CIMAP1D: variants seen among roughly 807,000 people sequenced by gnomAD.
CIMAP1D encodes the protein CIMAP1 family member D, also known as protein CIMAP1D.
the CIMAP1D span, chr19:467,910 C>G: frequency 8.4e-6 from 5 of 595,792 alleles, no homozygotes. Context: ...CCCCAGGGGC[C>G]CTGAGTTGTG....
the CIMAP1D span, among the ~76,000 whole-genome samples, chr19:488,995 C>T: frequency 5.9e-5 from 9 of 152,074 alleles, no homozygotes; most frequent in African/African-American, 9.7e-5. Flanking sequence ...CCGCCACGAA[C>T]TCGGAGGACC....
the CIMAP1D span, among the ~76,000 whole-genome samples, chr19:485,078 T>G: frequency 6.7e-6 from 1 of 149,192 alleles, no homozygotes; most frequent in Non-Finnish European, 1.5e-5. Context: ...CGCTGTGGGG[T>G]GAAGGGGAGT....
chr19:472,260 T>G, the CIMAP1D span: 9 of 455,068 alleles, frequency 2.0e-5, no homozygotes, highest in African/African-American at 1.8e-4. Context: ...GAGCAGGTTG[T>G]ACAGCCCAGC....
the CIMAP1D span, chr19:467,712 C>T: frequency 3.1e-6 from 5 of 1,611,442 alleles, no homozygotes; most frequent in Non-Finnish European, 2.5e-6. Flanking sequence ...AAGCGTGTGA[C>T]TTTGGGGTCC....
At chr19:483,557 G>A in the CIMAP1D span, among the ~76,000 whole-genome samples, 3 of 152,222 alleles carry the variant, frequency 2.0e-5, no homozygotes, top group Non-Finnish European at 4.4e-5. Flanking sequence ...ATTGCCCCCA[G>A]GGGACGCTGG....
At chr19:471,017 C>A in the CIMAP1D span, among the ~76,000 whole-genome samples, 19 of 152,278 alleles carry the variant, frequency 1.2e-4, no homozygotes, top group Admixed American at 1.2e-3. Flanking sequence ...GTGAGACGGG[C>A]CAGGCCCGGG....
the CIMAP1D span, among the ~76,000 whole-genome samples, chr19:481,048 G>C: frequency 4.6e-3 from 688 of 148,024 alleles, 4 homozygotes; most frequent in Non-Finnish European, 7.3e-3. Context: ...AAGGATGATG[G>C]GGAAGGATGA....
chr19:474,881 C>A, the CIMAP1D span: 24 of 722,026 alleles, frequency 3.3e-5, 1 homozygote, highest in South Asian at 7.6e-4. Context: ...ACGACCACAG[C>A]CGCACAGACG....
At chr19:490,587 T>C in the CIMAP1D span, among the ~76,000 whole-genome samples, 1 of 152,252 alleles carries the variant, frequency 6.6e-6, no homozygotes, top group African/African-American at 2.4e-5. Context: ...AAGTTCTAGT[T>C]GGAAAAGTGG....
the CIMAP1D span, among the ~76,000 whole-genome samples, chr19:471,952 T>C: frequency 6.6e-6 from 1 of 152,128 alleles, no homozygotes; most frequent in Non-Finnish European, 1.5e-5. Context: ...TTCACTGCGT[T>C]AGCCAGGATG....
At chr19:471,898 A>G in the CIMAP1D span, among the ~76,000 whole-genome samples, 6 of 151,768 alleles carry the variant, frequency 4.0e-5, no homozygotes, top group South Asian at 2.1e-4. Flanking sequence ...GCCCGCCACC[A>G]CGCCCGGCTA....
At chr19:481,770 C>CT in the CIMAP1D span, among the ~76,000 whole-genome samples, 5,120 of 106,700 alleles carry the variant, frequency 0.048, 208 homozygotes, top group African/African-American at 0.11. Flanking sequence ...GAACCTCCTA[C>CT]TTTTTTTTTT....
At chr19:468,055 C>T in the CIMAP1D span, among the ~76,000 whole-genome samples, 1 of 152,094 alleles carries the variant, frequency 6.6e-6, no homozygotes, top group African/African-American at 2.4e-5. Flanking sequence ...AGAACCAGCT[C>T]GTGGGTTTGT....
the CIMAP1D span, among the ~76,000 whole-genome samples, chr19:485,759 C>T: frequency 6.6e-6 from 1 of 152,194 alleles, no homozygotes; most frequent in African/African-American, 2.4e-5. Flanking sequence ...CGGGTTCCTC[C>T]GATGACCTGC....
the CIMAP1D span, among the ~76,000 whole-genome samples, chr19:472,883 G>T: frequency 1.4e-5 from 2 of 145,460 alleles, no homozygotes; most frequent in South Asian, 5.3e-4. Flanking sequence ...GGGAAACTGA[G>T]GCCCAGGCAG....
chr19:465,257 GTGGATGGATGGA>G, the CIMAP1D span, among the ~76,000 whole-genome samples: 2 of 135,360 alleles, frequency 1.5e-5, no homozygotes, highest in Non-Finnish European at 3.1e-5. Context: ...GGGTGGATGG[GTGGATGGATGGA>G]TGGATGGATG....
At chr19:481,193 T>G in the CIMAP1D span, among the ~76,000 whole-genome samples, 2 of 124,162 alleles carry the variant, frequency 1.6e-5, no homozygotes, top group Non-Finnish European at 1.6e-5. Flanking sequence ...GTGGGAAGGA[T>G]GATGGGGAAG....
At chr19:469,210 G>C in the CIMAP1D span, among the ~76,000 whole-genome samples, 6 of 150,000 alleles carry the variant, frequency 4.0e-5, no homozygotes, top group African/African-American at 1.5e-4. Context: ...GACTGGAAGA[G>C]GCTGGGGAGA....
the CIMAP1D span, among the ~76,000 whole-genome samples, chr19:488,916 G>A: frequency 6.6e-6 from 1 of 152,088 alleles, no homozygotes; most frequent in Non-Finnish European, 1.5e-5. Flanking sequence ...GTGGGAACGC[G>A]AGGAGACCGA....
Sources: allele counts gnomAD v4.1 joint callset (sites outside exome capture counted in the v4.1 genomes callset), GRCh38; gene constraint gnomAD v4.1.1; transcripts MANE v1.5; gene names NCBI Gene and HGNC (gene_info 2026-07-23, HGNC 2026-07-21).